SQSTM1: variants seen among roughly 807,000 people sequenced by gnomAD.
SQSTM1 encodes sequestosome 1.
Under a neutral mutation model 45.1 loss-of-function variants are expected in SQSTM1, and 36 were observed. That is an observed-to-expected ratio of 0.80 (90% confidence interval 0.61 to 1.05). The LOEUF (loss-of-function observed/expected upper bound fraction) is 1.05, where lower values mean the gene tolerates loss of function less well. Among genes scored for constraint, SQSTM1 ranks in the 50% least tolerant of loss-of-function variants. The pLI is 0.00. For synonymous variants in SQSTM1, 290 were observed against 244.3 expected (o/e 1.19, Z -1.74); for missense variants, 617 against 607.1 (o/e 1.02, Z -0.17).
Position 179,833,246 on chromosome 5 carries a change from G to T in SQSTM1, c.969G>T (p.Glu323Asp). 1 of 1,574,090 alleles carries T rather than the reference G, an allele frequency of 6.4e-7. No individual in the cohort carries two copies. The highest frequency in any genetic ancestry group is 8.6e-7 in the Non-Finnish European group (1 of 1,164,334). The change falls in exon 6 of 8, where the codon GAG (glutamate) becomes GAT (aspartate). Residue 323 changes from glutamate to aspartate, a missense_variant and splice_region_variant. Coordinates refer to ENST00000389805, the MANE Select transcript of SQSTM1 (RefSeq NM_003900.5). ...KIALESEGRPEEQMESDNCSG... is the reference protein window; with the variant it reads ...KIALESEGRPDEQMESDNCSG... Reference sequence around the variant, plus strand: ...CCTTGGAGTCCGAGGGGCGCCCTGAGGCAAGCCTGTGCCCCTCCCGCCACC... The same window carrying T: ...CCTTGGAGTCCGAGGGGCGCCCTGATGCAAGCCTGTGCCCCTCCCGCCACC...
rs904096020 is a variant in SQSTM1 at position 179,824,422 on chromosome 5, A to C, written c.673+99A>C. On this transcript the variant is annotated intron_variant, in intron 4 of 7. Transcript: ENST00000389805. ...AAGCGTGTGTGCAAGGCAAGAATTC[A>C]GGATACCCCCCACCTTCCTGGTGCC... 50 of 1,554,310 alleles carry C rather than the reference A, an allele frequency of 3.2e-5. 1 individual carries two copies. In the South Asian group the frequency reaches 5.5e-4, roughly 17 times the overall value.
intron 1 of SQSTM1, chr5:179,822,376 C>G (rs73351647): frequency 0.037 from 6,464 of 172,518 alleles, 329 homozygotes; most frequent in African/African-American, 0.12. Flanking sequence ...CACCTGTGCC[C>G]TCGGTGGATG....
In SQSTM1 at chr5:179,837,137, TCAC is replaced by T; in HGVS notation, c.*548_*550del. ...CACTGAGAGCTGCCTCCTGGTCTCTTCACCACTGTAGTTCTCTCATTTCCAAAC... is the reference window on the plus strand; with the variant it reads ...CACTGAGAGCTGCCTCCTGGTCTCTTCACTGTAGTTCTCTCATTTCCAAAC... On this transcript the variant is annotated 3_prime_UTR_variant, in exon 8 of 8. Transcript: ENST00000389805. The T allele has an allele frequency of 4.6e-6, 6 of 1,294,292 alleles. No homozygotes were observed. Among genetic ancestry groups the T allele is most frequent in the Non-Finnish European group, 3.2e-6 (3 of 925,974 alleles). 80.2% of individuals were successfully genotyped at this position (1,294,292 alleles called of 1,614,324 possible). A position where few individuals can be genotyped will look rare whatever the true frequency, so the allele number is the denominator to read the frequency against.
In SQSTM1 at chr5:179,837,906, G is replaced by A. The variant is rs376162024; in HGVS notation, c.*1313G>A. On this transcript the variant is annotated 3_prime_UTR_variant, in exon 8 of 8. Transcript: ENST00000389805. Reference sequence around the variant, plus strand: ...TGTCCCTGAAAGAGAAGATGGCCATGCCCTCCATGTGTAAGAACAATGCCA... The same window carrying A: ...TGTCCCTGAAAGAGAAGATGGCCATACCCTCCATGTGTAAGAACAATGCCA... 63 of 1,594,840 alleles carry A rather than the reference G, an allele frequency of 4.0e-5. No homozygotes were observed. Among genetic ancestry groups the A allele is most frequent in the Non-Finnish European group, 4.9e-5 (58 of 1,175,668 alleles).
chr5:179,819,710 ACCG>A (rs1357898064), upstream of SQSTM1, among the ~76,000 whole-genome samples: 1 of 152,014 alleles, frequency 6.6e-6, no homozygotes, highest in African/African-American at 2.4e-5. Flanking sequence ...TCCACTCTCC[ACCG>A]CCGGATGCAG....
intron 6 of SQSTM1, 88 bp downstream of exon 6, chr5:179,833,334 C>A: frequency 7.6e-7 from 1 of 1,309,464 alleles, no homozygotes; most frequent in Non-Finnish European, 1.1e-6. Flanking sequence ...AGCACCTCTG[C>A]AGCCCCACTT....
intron 1 of SQSTM1, among the ~76,000 whole-genome samples, chr5:179,810,760 C>T (rs1005372187): frequency 2.0e-5 from 3 of 152,224 alleles, no homozygotes; most frequent in African/African-American, 7.2e-5. Context: ...TATTTCTCCA[C>T]ATCCTCTCCA....
chr5:179,833,073 A>G lies in SQSTM1; in HGVS notation c.796A>G (p.Ser266Gly), dbSNP rs535756371. Residue 266 changes from serine (S) to glycine (G), a missense_variant, in exon 6 of 8, where the codon AGC becomes GGC. By Grantham distance (56) the Ser-to-Gly change is moderately conservative. Coordinates refer to ENST00000389805, the MANE Select transcript of SQSTM1 (RefSeq NM_003900.5). ...CGATGTGGAGCACGGAGGGAAAAGA[A>G]GCCGCCTGACCCCCGTCTCTCCAGA... ...DIDVEHGGKR[S>G]RLTPVSPESS... is the part of the protein sequence containing the mutation. 2 of 1,614,088 alleles carry G rather than the reference A, an allele frequency of 1.2e-6. No individual in the cohort carries two copies. Among genetic ancestry groups the G allele is most frequent in the Admixed American group, 1.7e-5 (1 of 60,006 alleles).
rs772928838 is a variant in SQSTM1, at chr5:179,837,209, T to G, written c.*616T>G. 8 of 1,573,594 alleles carry G rather than the reference T, an allele frequency of 5.1e-6. No individual in the cohort carries two copies. Among genetic ancestry groups the G allele is most frequent in the Non-Finnish European group, 6.9e-6 (8 of 1,165,074 alleles). On this transcript the variant is annotated 3_prime_UTR_variant, in exon 8 of 8. Transcript: ENST00000389805. ...TAAGATCTCTTTGTAGCCATCCTGT[T>G]AAATTTGTAAACAATCTAATTAAAT...
Position 179,836,773 on chromosome 5 carries a change from G to A in SQSTM1, c.*180G>A. On this transcript the variant is annotated 3_prime_UTR_variant, in exon 8 of 8. Coordinates refer to ENST00000389805, the MANE Select transcript of SQSTM1 (RefSeq NM_003900.5). ...TGACATGAAGGGAGGGTCCCTGTGTGTGTGTGTGCTGATGTTTCCTGGGTG... is the reference window on the plus strand; with the variant it reads ...TGACATGAAGGGAGGGTCCCTGTGTATGTGTGTGCTGATGTTTCCTGGGTG... The A allele has an allele frequency of 1.1e-6, 1 of 924,168 alleles. No homozygotes were observed. The highest frequency in any genetic ancestry group is 1.7e-6 in the Non-Finnish European group (1 of 588,232). The allele number at this position is 924,168 out of a possible 1,614,324, so 57.2% of individuals were successfully genotyped here. A position where few individuals can be genotyped will look rare whatever the true frequency, so the allele number is the denominator to read the frequency against.
chr5:179,811,473 G>C (rs1481708744), intron 1 of SQSTM1: 1 of 152,256 alleles, frequency 6.6e-6, no homozygotes, highest in African/African-American at 2.4e-5. Flanking sequence ...TCTGGGAGGC[G>C]AGAAACCAGC....
chr5:179,835,976 C>CT (rs943936257), intron 7 of SQSTM1: 5 of 265,520 alleles, frequency 1.9e-5, no homozygotes, highest in African/African-American at 8.8e-5. Context: ...CAGATATCAT[C>CT]TTTAACTCCT....
intron 7 of SQSTM1, among the ~76,000 whole-genome samples, chr5:179,834,219 G>C (rs1348982941): frequency 8.1e-6 from 1 of 123,182 alleles, no homozygotes; most frequent in East Asian, 2.8e-4. Flanking sequence ...TGAAGTGGAT[G>C]GTGTGGCAGG....
intron 1 of SQSTM1, chr5:179,821,417 G>A (rs1045395335): frequency 3.2e-5 from 20 of 618,064 alleles, no homozygotes; most frequent in Non-Finnish European, 5.6e-5. Context: ...GCCTGGGGGC[G>A]TCAGACGCCC....
rs757311547 is a variant in SQSTM1 at position 179,836,675 on chromosome 5, CG to C, written c.*85del. On this transcript the variant is annotated 3_prime_UTR_variant, in exon 8 of 8. Transcript: ENST00000389805. The stretch of plus-strand genomic sequence containing the variant: ...TTGCGTAGAATTGCAGGTCTCTGTA[CG>C]GGCCAGTTTCTCTGCCTTCTTCCAG... 6.3e-7 allele frequency: 1 copy of C among 1,598,932 alleles called. No homozygotes were observed. The highest frequency in any genetic ancestry group is 1.1e-5 in the South Asian group (1 of 90,788).
chr5:179,826,125 T>C (rs551046312), intron 5 of SQSTM1, among the ~76,000 whole-genome samples: 1 of 152,124 alleles, frequency 6.6e-6, no homozygotes, highest in South Asian at 2.1e-4. Flanking sequence ...CTCCTGTGGC[T>C]ACAGGGCGTG....
At chr5:179,817,001 G>C (rs1411560492), upstream of SQSTM1, among the ~76,000 whole-genome samples, 1 of 152,176 alleles carries the variant, frequency 6.6e-6, no homozygotes, top group Non-Finnish European at 1.5e-5. Context: ...CGAGAACACC[G>C]GGGACTTGCG....
rs144467418 is a variant in SQSTM1 at position 179,837,316 on chromosome 5, A to ATCTT, written c.*725_*728dup. ...TTATTGTTAATGGTTCTTACAGAGT[A>ATCTT]TCTTTAAAAGTGCCTTAGGGGAACC... On this transcript the variant is annotated 3_prime_UTR_variant, in exon 8 of 8. Coordinates refer to ENST00000389805, the MANE Select transcript of SQSTM1 (RefSeq NM_003900.5). 9,035 of 1,596,668 alleles carry ATCTT rather than the reference A, an allele frequency of 5.7e-3. 36 individuals are homozygous for ATCTT. The highest frequency in any genetic ancestry group is 6.8e-3 in the Non-Finnish European group (8,002 of 1,171,418).
At chr5:179,833,969 T>C (rs918874238) in intron 7 of SQSTM1, among the ~76,000 whole-genome samples, 187 bp downstream of exon 7, 2 of 152,186 alleles carry the variant, frequency 1.3e-5, no homozygotes, top group African/African-American at 4.8e-5. Context: ...GAGTAAGCTC[T>C]GCTAATGCAG....
Sources: allele counts gnomAD v4.1 joint callset (sites outside exome capture counted in the v4.1 genomes callset), GRCh38; gene constraint gnomAD v4.1.1; transcripts MANE v1.5; gene names NCBI Gene and HGNC (gene_info 2026-07-23, HGNC 2026-07-21).